The following WASF3 variants were observed in gnomAD, a reference collection of about 807,000 sequenced individuals.
The protein encoded by WASF3 is actin-binding protein WASF3.
In WASF3, 11 loss-of-function variants were observed where a neutral mutation model predicts 46.6. That is an observed-to-expected ratio of 0.24 (90% CI 0.15 to 0.39). The LOEUF (loss-of-function observed/expected upper bound fraction) is 0.39, where lower values mean the gene tolerates loss of function less well. WASF3 is among the 10% of genes least tolerant of loss of function. The probability of loss-of-function intolerance (pLI) is 1.00; values close to 1 mark genes in which losing one functional copy is unlikely to be tolerated. For missense variants in WASF3, 576 were observed against 669.8 expected, an observed-to-expected ratio of 0.86 and a Z score of 1.55; for synonymous variants, 242 against 259.7, an observed-to-expected ratio of 0.93 and a Z score of 0.65.
chr13:26,622,996 G>A (rs1334367366), intron 2 of WASF3, among the ~76,000 whole-genome samples: 2 of 152,176 alleles, frequency 1.3e-5, no homozygotes, highest in Non-Finnish European at 2.9e-5. Context: ...CCCAAAGGGT[G>A]ACAAACCCAT....
intron 5 of WASF3, 40 bp downstream of exon 5, chr13:26,667,710 G>C (rs753025530): frequency 6.3e-7 from 1 of 1,589,758 alleles, no homozygotes; most frequent in African/African-American, 1.3e-5. Context: ...CTTGAGATGA[G>C]GGGAGAGCTG....
intron 3 of WASF3, among the ~76,000 whole-genome samples, chr13:26,658,981 G>C (rs1463067715): frequency 6.6e-6 from 1 of 152,242 alleles, no homozygotes; most frequent in Non-Finnish European, 1.5e-5. Context: ...ACAGAGCTAA[G>C]GGGAATCCTT....
At chr13:26,617,658 A>G (rs1881175422) in intron 2 of WASF3, among the ~76,000 whole-genome samples, 1 of 152,184 alleles carries the variant, frequency 6.6e-6, no homozygotes, top group African/African-American at 2.4e-5. Flanking sequence ...AATAGTTTCT[A>G]TCTCATTTTA....
intron 1 of WASF3, chr13:26,577,318 A>G (rs544016460): frequency 2.5e-5 from 19 of 752,850 alleles, no homozygotes; most frequent in East Asian, 2.2e-4. Context: ...CCTAAAAACA[A>G]TGTAACAATC....
intron 2 of WASF3, among the ~76,000 whole-genome samples, chr13:26,618,619 T>A (rs1344165687): frequency 6.6e-6 from 1 of 152,138 alleles, no homozygotes; most frequent in Non-Finnish European, 1.5e-5. Context: ...ATATATATAT[T>A]TATCTTGTTT....
intron 1 of WASF3, among the ~76,000 whole-genome samples, chr13:26,603,091 C>A (rs1566047723): frequency 1.3e-5 from 2 of 152,108 alleles, no homozygotes; most frequent in Non-Finnish European, 2.9e-5. Flanking sequence ...GCTGTTGGTA[C>A]CTCTGTTAAA....
At chr13:26,603,169 A>G (rs1880692717) in intron 1 of WASF3, among the ~76,000 whole-genome samples, 1 of 152,212 alleles carries the variant, frequency 6.6e-6, no homozygotes. Flanking sequence ...TAAAAAAGAC[A>G]GCACTATTCT....
chr13:26,682,536 G>A lies in WASF3; in HGVS notation c.984-71G>A, dbSNP rs940924346. 1.3e-5 allele frequency: 20 copies of A among 1,589,858 alleles called. No homozygotes were observed. Among genetic ancestry groups the A allele is most frequent in the Non-Finnish European group, 1.7e-5 (20 of 1,165,786 alleles). On this transcript the variant is annotated intron_variant, in intron 8 of 9. Transcript: ENST00000335327. This position sits in a 1 kb window ranked among gnomAD's most constrained non-coding sequence, Gnocchi z 4.4. ...TTGTGTCTGGGGATGGCTCCGTTAG[G>A]TGTCTAAGAGCTCCCAGGACGTGAC...
chr13:26,687,306 T>G lies in WASF3; in HGVS notation c.*1461T>G, dbSNP rs572240174. 6.6e-6 allele frequency: 1 copy of G among 152,368 alleles called. No individual in the cohort carries two copies. The highest frequency in any genetic ancestry group is 2.1e-4 in the South Asian group (1 of 4,832). 9.4% of individuals were successfully genotyped at this position (152,368 alleles called of 1,614,324 possible). A position where few individuals can be genotyped will look rare whatever the true frequency, so the allele number is the denominator to read the frequency against. ...TCCATTGTGGTTAGTTACTCAGTTA[T>G]GTTGAGAAGAATCTGGAGCTAAAAG... On this transcript the variant is annotated 3_prime_UTR_variant, in exon 10 of 10. Coordinates refer to ENST00000335327, the MANE Select transcript of WASF3 (RefSeq NM_006646.6).
intron 3 of WASF3, among the ~76,000 whole-genome samples, chr13:26,661,940 G>A (rs1882644354): frequency 6.6e-6 from 1 of 152,174 alleles, no homozygotes; most frequent in Admixed American, 6.5e-5. Flanking sequence ...CCCTGTGAGT[G>A]CTCAGGAGTG....
chr13:26,671,875 T>C lies in WASF3; in HGVS notation c.426T>C (p.Asp142=). The C allele has an allele frequency of 6.3e-7, 1 of 1,584,408 alleles. No homozygotes were observed. Among genetic ancestry groups the C allele is most frequent in the Non-Finnish European group, 8.6e-7 (1 of 1,169,160 alleles). ...PPLNILTPYR[D]DKKDGLKFYT... is the part of the protein sequence containing the mutation. The stretch of plus-strand genomic sequence containing the variant: ...CTTACAATACATTGATTTGTAGAGA[T>C]GACAAGAAGGATGGGCTGAAGTTCT... The change falls in exon 6 of 10, where the codon GAT becomes GAC. Residue 142 remains aspartate (D), a synonymous_variant. Transcript: ENST00000335327.
At chr13:26,621,621 C>T (rs1881309070) in intron 2 of WASF3, among the ~76,000 whole-genome samples, 1 of 152,162 alleles carries the variant, frequency 6.6e-6, no homozygotes, top group South Asian at 2.1e-4. Context: ...AACATACAGA[C>T]CACATTTCAA....
At chr13:26,540,208 A>T in the WASF3 span, among the ~76,000 whole-genome samples, 1 of 151,780 alleles carries the variant, frequency 6.6e-6, no homozygotes, top group African/African-American at 2.4e-5. Context: ...TGCTCCTCCT[A>T]CTCCATCTCT....
At chr13:26,587,044 A>C (rs1470674261) in intron 1 of WASF3, among the ~76,000 whole-genome samples, 2 of 143,016 alleles carry the variant, frequency 1.4e-5, no homozygotes, top group East Asian at 4.1e-4. Context: ...TGGAGGTTGC[A>C]GTGAGCCAGG....
chr13:26,545,840 G>T, the WASF3 span, among the ~76,000 whole-genome samples: 1 of 152,168 alleles, frequency 6.6e-6, no homozygotes, highest in East Asian at 1.9e-4. Context: ...CTGACCCCAA[G>T]ATATCCTCCT....
intron 1 of WASF3, among the ~76,000 whole-genome samples, chr13:26,594,968 C>A (rs555507283): frequency 6.6e-6 from 1 of 152,214 alleles, no homozygotes. Context: ...TTCCCAACAA[C>A]AACTTCCTTT....
At chr13:26,545,624 G>A in the WASF3 span, among the ~76,000 whole-genome samples, 2 of 151,812 alleles carry the variant, frequency 1.3e-5, no homozygotes, top group Non-Finnish European at 2.9e-5. Flanking sequence ...AATTTTTTTA[G>A]AGACATGGCT....
At chr13:26,554,135 C>CTT (rs1369035903), upstream of WASF3, among the ~76,000 whole-genome samples, 2 of 137,036 alleles carry the variant, frequency 1.5e-5, no homozygotes, top group Non-Finnish European at 3.1e-5. Flanking sequence ...TTCTTTCTTT[C>CTT]TTTCTTTCTT....
At chr13:26,620,789 A>G (rs948772594) in intron 2 of WASF3, 3 of 152,194 alleles carry the variant, frequency 2.0e-5, no homozygotes, top group African/African-American at 7.2e-5. Context: ...TTAGAACCAT[A>G]TTAGCTTCTA....
Sources: allele counts gnomAD v4.1 joint callset (sites outside exome capture counted in the v4.1 genomes callset), GRCh38; gene constraint gnomAD v4.1.1; non-coding constraint Gnocchi (gnomAD v3.1); transcripts MANE v1.5; gene names NCBI Gene and HGNC (gene_info 2026-07-23, HGNC 2026-07-21).